PCDHA11: variants seen among roughly 807,000 people sequenced by gnomAD.
PCDHA11 encodes the protein protocadherin alpha-11.
PCDHA11 carries 61 observed loss-of-function variants against 70.3 expected under a neutral mutation model. That is an observed-to-expected ratio of 0.87 (90% CI 0.71 to 1.07). The LOEUF (loss-of-function observed/expected upper bound fraction) is 1.07, where lower values mean the gene tolerates loss of function less well. PCDHA11 is among the 50% of genes least tolerant of loss of function. PCDHA11 has a pLI of 0.00. For missense variants in PCDHA11, 1,324 were observed against 1,237.5 expected (o/e 1.07, Z -1.05); for synonymous variants, 633 against 555.1 (o/e 1.14, Z -1.97).
chr5:140,880,449 T>G (rs2058348423), intron 1 of PCDHA11, among the ~76,000 whole-genome samples: 1 of 152,024 alleles, frequency 6.6e-6, no homozygotes. Flanking sequence ...TAGTAGAAAA[T>G]GAAAACAGAT....
intron 2 of PCDHA11, among the ~76,000 whole-genome samples, chr5:140,979,467 ATTG>A (rs1219222898): frequency 6.6e-6 from 1 of 151,680 alleles, no homozygotes; most frequent in Non-Finnish European, 1.5e-5. Context: ...ATTGATTGCT[ATTG>A]TTGTTTGTGT....
chr5:140,870,346 G>C lies in PCDHA11; in HGVS notation c.1243G>C (p.Glu415Gln), dbSNP rs782365260. 1.2e-6 allele frequency: 2 copies of C among 1,614,236 alleles called. No homozygotes were observed. Among genetic ancestry groups the C allele is most frequent in the Non-Finnish European group, 1.7e-6 (2 of 1,180,042 alleles). Residue 415 changes from glutamate to glutamine, a missense_variant, in exon 1 of 4, where the codon GAG becomes CAG. Glu to Gln is a conservative substitution (Grantham distance 29). Coordinates refer to ENST00000398640, the MANE Select transcript of PCDHA11 (RefSeq NM_018902.5). ...SLVLDSALDR[E>Q]NVWAYELVVT... The stretch of plus-strand genomic sequence containing the variant: ...GGTGCTGGACAGCGCCCTGGACCGC[G>C]AGAACGTGTGGGCCTATGAACTGGT...
At chr5:140,927,059 G>T (rs2153586396) in intron 1 of PCDHA11, 1 of 1,611,324 alleles carries the variant, frequency 6.2e-7, no homozygotes, top group Middle Eastern at 1.7e-4. Flanking sequence ...CGGAACTTTC[G>T]CTTCCTTTCC....
chr5:140,950,087 T>G (rs1433717313), intron 1 of PCDHA11, among the ~76,000 whole-genome samples: 3 of 151,938 alleles, frequency 2.0e-5, no homozygotes, highest in Admixed American at 6.6e-5. Flanking sequence ...ATGCTATAGT[T>G]TTCATTTGTA....
At chr5:140,991,843 T>G (rs2097475576) in intron 3 of PCDHA11, among the ~76,000 whole-genome samples, 1 of 152,194 alleles carries the variant, frequency 6.6e-6, no homozygotes, top group Admixed American at 6.6e-5. Context: ...GAACCGCACT[T>G]CCAGATACCA....
chr5:140,896,113 T>A (rs10053583), intron 1 of PCDHA11, among the ~76,000 whole-genome samples: 2,120 of 152,286 alleles, frequency 0.014, 43 homozygotes, highest in African/African-American at 0.049. Flanking sequence ...GCCTGGCCAA[T>A]GTACTGCATT....
intron 1 of PCDHA11, chr5:140,969,265 A>T: frequency 1.9e-6 from 3 of 1,614,250 alleles, no homozygotes; most frequent in Non-Finnish European, 2.5e-6. Flanking sequence ...GGAATCTCAC[A>T]GGCCAAAGTG....
At chr5:140,964,367 T>C (rs1269937571) in intron 1 of PCDHA11, among the ~76,000 whole-genome samples, 1 of 152,178 alleles carries the variant, frequency 6.6e-6, no homozygotes, top group Non-Finnish European at 1.5e-5. Context: ...ACAAGAGTGC[T>C]GAAAGGAGAG....
At chr5:140,967,059 C>T in intron 1 of PCDHA11, 1 of 1,612,750 alleles carries the variant, frequency 6.2e-7, no homozygotes, top group Non-Finnish European at 8.5e-7. Flanking sequence ...ACGAGTGGAG[C>T]GCTCTTCGTC....
chr5:140,921,587 A>G (rs970982898), intron 1 of PCDHA11, among the ~76,000 whole-genome samples: 2 of 152,228 alleles, frequency 1.3e-5, no homozygotes, highest in Non-Finnish European at 2.9e-5. Context: ...ATACTATATT[A>G]TGGTTTCAAA....
intron 3 of PCDHA11, among the ~76,000 whole-genome samples, chr5:140,984,059 C>A (rs1269975627): frequency 6.6e-6 from 1 of 152,108 alleles, no homozygotes; most frequent in East Asian, 1.9e-4. Flanking sequence ...CAAATCTGTA[C>A]CCTCAGTGCC....
intron 1 of PCDHA11, among the ~76,000 whole-genome samples, chr5:140,889,361 T>C (rs1005398759): frequency 2.0e-5 from 3 of 152,106 alleles, no homozygotes; most frequent in Non-Finnish European, 4.4e-5. Context: ...GATTACTGAC[T>C]CAATTTTAAT....
intron 1 of PCDHA11, among the ~76,000 whole-genome samples, chr5:140,972,728 A>T (rs189687890): frequency 6.8e-6 from 1 of 147,854 alleles, no homozygotes; most frequent in East Asian, 2.0e-4. Context: ...CAGTGGCGTA[A>T]TCCCGGCTCA....
chr5:141,001,387 C>T (rs1282982040), intron 3 of PCDHA11, among the ~76,000 whole-genome samples: 3 of 152,188 alleles, frequency 2.0e-5, no homozygotes, highest in African/African-American at 7.2e-5. Context: ...GCCTAAGATC[C>T]TACAGAGAAC....
At position 141,010,449 on chromosome 5, in the gene PCDHA11, C is replaced by T. The variant is rs764975082; in HGVS notation, c.*512C>T. ...CAAGAAAACAAAGACAAATAAACAG[C>T]GGAAGTTATCAGTATGGAGGGGAAG... On this transcript the variant is annotated 3_prime_UTR_variant, in exon 4 of 4. Coordinates refer to ENST00000398640, the MANE Select transcript of PCDHA11 (RefSeq NM_018902.5). 14 of 915,348 alleles carry T rather than the reference C, an allele frequency of 1.5e-5. No homozygotes were observed. Among genetic ancestry groups the T allele is most frequent in the Non-Finnish European group, 2.1e-5 (13 of 631,774 alleles). 56.7% of individuals were successfully genotyped at this position (915,348 alleles called of 1,614,324 possible).
intron 2 of PCDHA11, among the ~76,000 whole-genome samples, chr5:140,981,838 C>T (rs916108739): frequency 3.9e-5 from 6 of 152,086 alleles, no homozygotes; most frequent in Admixed American, 6.6e-5. Context: ...AAAGGTCTCC[C>T]AGTTTGTATC....
At chr5:140,884,345 C>T (rs782318945) in intron 1 of PCDHA11, 1 of 1,613,798 alleles carries the variant, frequency 6.2e-7, no homozygotes, top group Non-Finnish European at 8.5e-7. Flanking sequence ...AGAAGCGGCG[C>T]TGGTGGATGT....
intron 1 of PCDHA11, among the ~76,000 whole-genome samples, chr5:140,954,817 T>G (rs1461497595): frequency 1.3e-5 from 2 of 152,224 alleles, no homozygotes; most frequent in Non-Finnish European, 2.9e-5. Flanking sequence ...TGAAATTGCT[T>G]TAGGCACTTT....
chr5:141,009,103 C>G (rs1440460108), intron 3 of PCDHA11, among the ~76,000 whole-genome samples: 1 of 152,170 alleles, frequency 6.6e-6, no homozygotes, highest in African/African-American at 2.4e-5. Flanking sequence ...ACATATGTTA[C>G]TATGAAACTA....
Sources: gnomAD v4.1 joint callset for allele counts (sites outside exome capture counted in the v4.1 genomes callset) on GRCh38, gnomAD v4.1.1 for gene constraint, MANE v1.5 for transcripts, NCBI Gene and HGNC (gene_info 2026-07-23, HGNC 2026-07-21) for gene names.